DNAH6: variants seen among roughly 807,000 people sequenced by gnomAD.
DNAH6 encodes the protein axonemal beta dynein heavy chain 6.
In DNAH6, 340 loss-of-function variants were observed where a neutral mutation model predicts 491.4. The ratio of observed to expected loss-of-function variants is 0.69; its 90% CI spans 0.63 to 0.76. DNAH6 has a LOEUF of 0.76. Among genes scored for constraint, DNAH6 ranks in the 30% least tolerant of loss-of-function variants. The pLI is 0.00. For missense variants in DNAH6, 4,443 were observed against 4,972.2 expected (o/e 0.89, Z 3.20); for synonymous variants, 1,603 against 1,686.1 (o/e 0.95, Z 1.21).
At chr2:84,617,129 A>C (rs1686934414) in intron 23 of DNAH6, 147 bp downstream of exon 23, 1 of 545,780 alleles carries the variant, frequency 1.8e-6, no homozygotes, top group African/African-American at 2.0e-5. Flanking sequence ...AGTTATCGTA[A>C]TTGAGGAGTA....
In DNAH6 at chr2:84,624,501, C is replaced by T. The variant is rs775496399; in HGVS notation, c.4234C>T (p.Leu1412=). The change falls in exon 28 of 77, where the codon CTG becomes TTG. Residue 1412 remains leucine (L), a synonymous_variant. Coordinates refer to ENST00000389394, the MANE Select transcript of DNAH6 (RefSeq NM_001370.2). ...TGAATCTTTTGACTGGCAGAGACAA[C>T]TGCGCTATTACTGGGATATAGACCT... ...TVESFDWQRQ[L]RYYWDIDLDN... 6.4e-6 allele frequency: 10 copies of T among 1,551,896 alleles called. No homozygotes were observed. The South Asian group carries it at 7.1e-5, about 11-fold the overall frequency.
chr2:84,641,426 G>A (rs1050848033), intron 32 of DNAH6, among the ~76,000 whole-genome samples: 8 of 152,154 alleles, frequency 5.3e-5, no homozygotes. Context: ...CACTGGAGGA[G>A]CACAACTACA....
intron 11 of DNAH6, among the ~76,000 whole-genome samples, 180 bp downstream of exon 11, chr2:84,558,115 A>C (rs1202382210): frequency 6.6e-6 from 1 of 152,152 alleles, no homozygotes; most frequent in Non-Finnish European, 1.5e-5. Context: ...CCTGTTAAGC[A>C]TGAAATAATT....
At chr2:84,761,402 C>T (rs1008395019) in intron 63 of DNAH6, among the ~76,000 whole-genome samples, 1 of 151,772 alleles carries the variant, frequency 6.6e-6, no homozygotes, top group Non-Finnish European at 1.5e-5. Context: ...TGATGGAAAC[C>T]CTAAAAGCTG....
At chr2:84,481,752 G>A in the DNAH6 span, among the ~76,000 whole-genome samples, 5 of 152,156 alleles carry the variant, frequency 3.3e-5, no homozygotes, top group African/African-American at 4.8e-5. Flanking sequence ...GTGACCTACC[G>A]GTCTATGCCA....
chr2:84,765,793 A>G (rs1675021001), intron 64 of DNAH6, among the ~76,000 whole-genome samples: 1 of 152,110 alleles, frequency 6.6e-6, no homozygotes. Flanking sequence ...GATTTCAAAA[A>G]CAATTTTTAT....
In DNAH6 at chr2:84,759,041, A is replaced by T. The variant is rs145719537; in HGVS notation, c.10513-3714A>T. On this transcript the variant is annotated intron_variant, in intron 63 of 76. Transcript: ENST00000389394. ...TGATATGGTATAGTATGATATATCC[A>T]AAAAATAAAATTTAAAACTTCACCA... Among the ~76,000 whole-genome samples, 274 of 152,320 alleles carry T rather than the reference A, an allele frequency of 1.8e-3. 2 individuals are homozygous for T. Among genetic ancestry groups the T allele is most frequent in the African/African-American group, 6.3e-3 (261 of 41,568 alleles).
chr2:84,705,440 T>C, intron 51 of DNAH6, 46 bp from the exon 52 acceptor site: 2 of 1,454,262 alleles, frequency 1.4e-6, no homozygotes, highest in African/African-American at 1.4e-5. Context: ...TTTGTTCTTA[T>C]ATTACTTCAT....
At chr2:84,563,056 C>T (rs1052162348) in intron 11 of DNAH6, among the ~76,000 whole-genome samples, 6 of 152,096 alleles carry the variant, frequency 3.9e-5, no homozygotes, top group African/African-American at 1.4e-4. Flanking sequence ...GCAGTTCCCC[C>T]GCACATGATC....
chr2:84,665,608 A>G (rs1692040117), intron 37 of DNAH6, among the ~76,000 whole-genome samples: 1 of 152,204 alleles, frequency 6.6e-6, no homozygotes, highest in African/African-American at 2.4e-5. Context: ...GCAATAATTA[A>G]TAGCCTACCA....
upstream of DNAH6, among the ~76,000 whole-genome samples, chr2:84,514,797 T>C (rs993876825): frequency 6.6e-6 from 1 of 151,412 alleles, no homozygotes; most frequent in Non-Finnish European, 1.5e-5. Flanking sequence ...ATGAGTAGTG[T>C]TTCATATAGT....
At chr2:84,671,775 T>C (rs572114004) in intron 39 of DNAH6, among the ~76,000 whole-genome samples, 10 of 152,198 alleles carry the variant, frequency 6.6e-5, no homozygotes, top group Admixed American at 3.3e-4. Context: ...GGTTTCTCTT[T>C]CCTCTGCTAT....
At chr2:84,588,349 A>G (rs1050344808) in intron 15 of DNAH6, among the ~76,000 whole-genome samples, 2 of 152,126 alleles carry the variant, frequency 1.3e-5, no homozygotes, top group Non-Finnish European at 2.9e-5. Context: ...TTCCATTCCC[A>G]TTCACTGGGG....
At chr2:84,597,753 T>G (rs375833735) in intron 18 of DNAH6, among the ~76,000 whole-genome samples, 14 of 152,178 alleles carry the variant, frequency 9.2e-5, no homozygotes, top group East Asian at 7.7e-4. Flanking sequence ...ATGTGGCATA[T>G]CTATATGATG....
chr2:84,488,474 G>A, the DNAH6 span, among the ~76,000 whole-genome samples: 1 of 152,106 alleles, frequency 6.6e-6, no homozygotes, highest in Non-Finnish European at 1.5e-5. Context: ...TGGCAGTGAT[G>A]CATCCCTTCT....
chr2:84,674,805 C>G (rs148080920), intron 40 of DNAH6, among the ~76,000 whole-genome samples: 271 of 152,222 alleles, frequency 1.8e-3, no homozygotes, highest in African/African-American at 6.2e-3. Context: ...CCCACCAGGC[C>G]AGCGCTCAGT....
chr2:84,551,992 G>A (rs1679419969), intron 9 of DNAH6, among the ~76,000 whole-genome samples: 1 of 148,878 alleles, frequency 6.7e-6, no homozygotes, highest in South Asian at 2.1e-4. Flanking sequence ...AGGTTGCAGT[G>A]AGCTGAGATC....
the DNAH6 span, among the ~76,000 whole-genome samples, chr2:84,499,058 T>C: frequency 8.4e-5 from 12 of 143,192 alleles, no homozygotes; most frequent in African/African-American, 3.1e-4. Flanking sequence ...ATTTACACTC[T>C]ACAAATTATT....
At chr2:84,813,013 T>A in intron 73 of DNAH6, 45 bp from the exon 74 acceptor site, 1 of 1,501,204 alleles carries the variant, frequency 6.7e-7, no homozygotes, top group South Asian at 1.2e-5. Flanking sequence ...GAAAACAAAT[T>A]CCATCCCAGA....
Sources: gnomAD v4.1 joint callset for allele counts (sites outside exome capture counted in the v4.1 genomes callset) on GRCh38, gnomAD v4.1.1 for gene constraint, MANE v1.5 for transcripts, NCBI Gene and HGNC (gene_info 2026-07-23, HGNC 2026-07-21) for gene names.